Variants in DHDDS observed in about 807,000 individuals in gnomAD.
DHDDS encodes dehydrodolichyl diphosphate synthase complex subunit DHDDS.
In DHDDS, 16 loss-of-function variants were observed where a neutral mutation model predicts 46.2. The observed-to-expected ratio is 0.35, with a 90% confidence interval of 0.23 to 0.53. DHDDS has a LOEUF of 0.53. DHDDS is among the 20% of genes least tolerant of loss of function. The pLI is 0.94. For missense variants in DHDDS, 340 were observed against 423.7 expected (o/e 0.80, Z 1.73); for synonymous variants, 151 against 163.1 (o/e 0.93, Z 0.56).
At chr1:26,456,019 G>A (rs2075367170) in intron 6 of DHDDS, among the ~76,000 whole-genome samples, 1 of 152,160 alleles carries the variant, frequency 6.6e-6, no homozygotes, top group Non-Finnish European at 1.5e-5. Context: ...CTGTGGACAG[G>A]ATAGTTTTAC....
chr1:26,437,794 A>G (rs1487521610), intron 2 of DHDDS, among the ~76,000 whole-genome samples: 1 of 151,558 alleles, frequency 6.6e-6, no homozygotes, highest in Admixed American at 6.6e-5. Flanking sequence ...CTCTTAAAAA[A>G]AGAAAAAAAA....
chr1:26,446,299 C>T lies in DHDDS; in HGVS notation c.324-17C>T. 4 of 1,612,342 alleles carry T rather than the reference C, an allele frequency of 2.5e-6. No individual in the cohort carries two copies. Among genetic ancestry groups the T allele is most frequent in the Non-Finnish European group, 3.4e-6 (4 of 1,178,680 alleles). ...AGCAGGGGCCCTATCCCAATGCTGC[C>T]TCTTTTCCCTGATCAGGGAGAAACT... On this transcript the variant is annotated splice_polypyrimidine_tract_variant and intron_variant, in intron 4 of 8. Transcript: ENST00000236342.
chr1:26,460,661 A>G (rs1011169516), intron 8 of DHDDS, among the ~76,000 whole-genome samples: 2 of 152,230 alleles, frequency 1.3e-5, no homozygotes, highest in African/African-American at 2.4e-5. Context: ...AACAGGTTTT[A>G]TTAGCAGTCA....
chr1:26,457,723 T>C (rs2075384163), intron 6 of DHDDS, 68 bp from the exon 7 acceptor site: 3 of 1,244,132 alleles, frequency 2.4e-6, no homozygotes, highest in Non-Finnish European at 3.6e-6. Flanking sequence ...AAGTTCACCA[T>C]GAGAACACTA....
chr1:26,468,884 T>G lies in DHDDS; in HGVS notation c.766-11T>G. ...GATCTCCCCACCCCAATCCCCACTT[T>G]TCTCTAGCAGAAGGCCCGAGACATG... On this transcript the variant is annotated splice_polypyrimidine_tract_variant and intron_variant, in intron 8 of 8. Transcript: ENST00000236342. The G allele has an allele frequency of 6.2e-7, 1 of 1,613,762 alleles. No individual in the cohort carries two copies. Among genetic ancestry groups the G allele is most frequent in the South Asian group, 1.1e-5 (1 of 91,050 alleles).
chr1:26,443,039 T>C (rs1402897898), intron 4 of DHDDS, 166 bp downstream of exon 4: 2 of 1,211,610 alleles, frequency 1.7e-6, no homozygotes, highest in African/African-American at 4.4e-5. Flanking sequence ...AGTCTTTCAT[T>C]CTTTATTTCT....
rs114664084 is a variant in DHDDS, at chr1:26,434,990, G to T, written c.63+1982G>T. Among the ~76,000 whole-genome samples, 840 of 151,144 alleles carry T rather than the reference G, an allele frequency of 5.6e-3. 10 individuals carry two copies. Among genetic ancestry groups the T allele is most frequent in the African/African-American group, 0.018 (756 of 41,166 alleles). ...GTAAGTTTTGTTTGGCTCAAAAAAA[G>T]TCTTTTTTGTTTGCTTTGAAAAACA... is the stretch of plus-strand genomic sequence containing the variant. On this transcript the variant is annotated intron_variant, in intron 2 of 8. Transcript: ENST00000236342.
intron 1 of DHDDS, chr1:26,432,682 T>C: frequency 1.9e-6 from 1 of 521,074 alleles, no homozygotes; most frequent in Non-Finnish European, 3.5e-6. Context: ...GGAAGAAGTC[T>C]GCAAAGCCAG....
At chr1:26,454,631 A>T in intron 6 of DHDDS, 1 of 1,145,462 alleles carries the variant, frequency 8.7e-7, no homozygotes, top group Non-Finnish European at 1.3e-6. Flanking sequence ...TTTAATGCTG[A>T]ATTTACTCCT....
At position 26,463,027 on chromosome 1, in the gene DHDDS, G is replaced by A. The variant is rs1216215139; in HGVS notation, c.765+2883G>A. ...TTGGAAGAACAAAAAAGAGGTCAAT[G>A]TGCCAAGGGAGAAGGGCAGGAAATG... On this transcript the variant is annotated intron_variant, in intron 8 of 8. Transcript: ENST00000236342. Among the ~76,000 whole-genome samples, 3 of 152,352 alleles carry A rather than the reference G, an allele frequency of 2.0e-5. No individual in the cohort carries two copies. The East Asian group carries it at 5.8e-4, about 29-fold the overall frequency.
In DHDDS at chr1:26,446,315, G is replaced by T; in HGVS notation, c.324-1G>T. The stretch of plus-strand genomic sequence containing the variant: ...CAATGCTGCCTCTTTTCCCTGATCA[G>T]GGAGAAACTGCAGAAGCATGGGGTG... On this transcript the variant is annotated splice_acceptor_variant, in intron 4 of 8. Transcript: ENST00000236342. LOFTEE classifies it high-confidence loss of function. 6.2e-7 allele frequency: 1 copy of T among 1,613,768 alleles called. No homozygotes were observed. The highest frequency in any genetic ancestry group is 1.1e-5 in the South Asian group (1 of 91,050).
chr1:26,451,033 G>A (rs1247209201), intron 6 of DHDDS, among the ~76,000 whole-genome samples: 1 of 152,116 alleles, frequency 6.6e-6, no homozygotes, highest in Non-Finnish European at 1.5e-5. Flanking sequence ...CCACATTACA[G>A]TAACCACTAC....
intron 2 of DHDDS, among the ~76,000 whole-genome samples, chr1:26,436,404 TG>T (rs2075155773): frequency 5.5e-5 from 1 of 18,338 alleles, no homozygotes; most frequent in African/African-American, 1.1e-4. Context: ...GACTCTGTTT[TG>T]TTTGTTTGTT....
chr1:26,467,428 T>C (rs1406983705), intron 8 of DHDDS: 4 of 452,300 alleles, frequency 8.8e-6, no homozygotes, highest in Non-Finnish European at 1.9e-5. Context: ...GAAGTATTCT[T>C]GAATGCCTGG....
chr1:26,450,080 A>AGTT (rs959145368), intron 6 of DHDDS, among the ~76,000 whole-genome samples: 12 of 152,318 alleles, frequency 7.9e-5, no homozygotes, highest in African/African-American at 2.9e-4. Flanking sequence ...CTCTGTCGCC[A>AGTT]GTATGGAAGC....
chr1:26,443,097 G>A lies in DHDDS; in HGVS notation c.323+224G>A, dbSNP rs994650092. On this transcript the variant is annotated intron_variant, in intron 4 of 8. Coordinates refer to ENST00000236342, the MANE Select transcript of DHDDS (RefSeq NM_205861.3). ...CATTTATTTGAGGATATTGAGGGGTGTCACATGATTTAAGAACAAGTACAG... is the reference window on the plus strand; with the variant it reads ...CATTTATTTGAGGATATTGAGGGGTATCACATGATTTAAGAACAAGTACAG... 2.1e-5 allele frequency: 15 copies of A among 720,790 alleles called. No individual in the cohort carries two copies. The South Asian group carries it at 2.7e-4, about 13-fold the overall frequency. 44.6% of individuals were successfully genotyped at this position (720,790 alleles called of 1,614,324 possible). A position where few individuals can be genotyped will look rare whatever the true frequency, so the allele number is the denominator to read the frequency against.
In DHDDS at chr1:26,468,914, C is replaced by T; in HGVS notation, c.785C>T (p.Ala262Val). The change falls in exon 9 of 9, where the codon GCA (alanine) becomes GTA (valine). Residue 262 changes from alanine (A) to valine (V), a missense_variant. Transcript: ENST00000236342. The part of the protein sequence containing the change: ...SVLQKARDMY[A>V]EERKRQQLER... ...TAGCAGAAGGCCCGAGACATGTATG[C>T]AGAGGAGCGGAAGAGGCAGCAGCTG... 3 of 1,613,354 alleles carry T rather than the reference C, an allele frequency of 1.9e-6. No homozygotes were observed. Among genetic ancestry groups the T allele is most frequent in the Non-Finnish European group, 2.5e-6 (3 of 1,179,716 alleles).
intron 8 of DHDDS, 44 bp from the exon 9 acceptor site, chr1:26,468,851 C>G (rs748542597): frequency 5.0e-6 from 8 of 1,611,480 alleles, no homozygotes; most frequent in Non-Finnish European, 6.8e-6. Flanking sequence ...TCACCCACTC[C>G]TAAAAATGAT....
rs57753843 is a variant in DHDDS, at chr1:26,453,093, AAC to A, written c.543-4669_543-4668del. On this transcript the variant is annotated intron_variant, in intron 6 of 8. Coordinates refer to ENST00000236342, the MANE Select transcript of DHDDS (RefSeq NM_205861.3). ...AACAACAGAGTGAAACCCTGTCTGA[AAC>A]ACACACACACACACACACACACACA... is the stretch of plus-strand genomic sequence containing the variant. 7.2e-3 allele frequency among the ~76,000 whole-genome samples: 1,052 copies of A among 145,958 alleles called. 5 individuals carry two copies. The highest frequency in any genetic ancestry group is 0.017 in the African/African-American group (669 of 40,004).
Sources: allele counts gnomAD v4.1 joint callset (sites outside exome capture counted in the v4.1 genomes callset), GRCh38; gene constraint gnomAD v4.1.1; transcripts MANE v1.5; gene names NCBI Gene and HGNC (gene_info 2026-07-23, HGNC 2026-07-21).